TENM3: variants seen among roughly 807,000 people sequenced by gnomAD.
TENM3 encodes teneurin transmembrane protein 3, also known as teneurin-3.
TENM3 carries 63 observed loss-of-function variants against 255.1 expected under a neutral mutation model. That is an observed-to-expected ratio of 0.25 (90% confidence interval 0.20 to 0.30). TENM3 has a LOEUF of 0.30. Ranked by LOEUF, TENM3 falls within the 10% of genes least tolerant of loss-of-function variation. TENM3 has a pLI of 1.00. For synonymous variants in TENM3, 1,306 were observed against 1,322.3 expected (o/e 0.99, Z 0.27); for missense variants, 2,929 against 3,461.1 (o/e 0.85, Z 3.86).
chr4:182,506,411 C>T (rs576667736), intron 3 of TENM3, among the ~76,000 whole-genome samples: 58 of 152,190 alleles, frequency 3.8e-4, no homozygotes, highest in Non-Finnish European at 5.1e-4. Context: ...ATTTAAATAA[C>T]GATTAAATAA....
chr4:181,901,108 C>CA, the TENM3 span, among the ~76,000 whole-genome samples: 14 of 152,212 alleles, frequency 9.2e-5, no homozygotes, highest in Middle Eastern at 3.4e-3. Context: ...AGCTTCCTCC[C>CA]AAAAATCATA....
chr4:181,681,680 A>G, the TENM3 span, among the ~76,000 whole-genome samples: 1 of 152,200 alleles, frequency 6.6e-6, no homozygotes, highest in African/African-American at 2.4e-5. Flanking sequence ...TGATACATCA[A>G]GTAAATGCTT....
At chr4:182,747,800 T>C (rs1762112101) in intron 19 of TENM3, among the ~76,000 whole-genome samples, 1 of 152,228 alleles carries the variant, frequency 6.6e-6, no homozygotes, top group Non-Finnish European at 1.5e-5. Context: ...CCTTATTGAC[T>C]TAATATTTAA....
intron 3 of TENM3, among the ~76,000 whole-genome samples, chr4:182,400,901 A>G (rs747311864): frequency 6.6e-5 from 10 of 152,196 alleles, no homozygotes; most frequent in African/African-American, 9.7e-5. Context: ...ATGTTATACT[A>G]TGGGGGTAGA....
At chr4:181,500,034 C>T in the TENM3 span, among the ~76,000 whole-genome samples, 9 of 149,584 alleles carry the variant, frequency 6.0e-5, no homozygotes, top group Non-Finnish European at 1.0e-4. Flanking sequence ...AAACAAAATC[C>T]ACTTTTTTTT....
the TENM3 span, among the ~76,000 whole-genome samples, chr4:182,031,369 T>A: frequency 6.6e-6 from 1 of 152,198 alleles, no homozygotes; most frequent in Admixed American, 6.5e-5. Flanking sequence ...GTTGTAGACA[T>A]GTGGCCCTAT....
intron 3 of TENM3, among the ~76,000 whole-genome samples, chr4:182,365,058 G>T (rs954230118): frequency 1.1e-4 from 16 of 152,174 alleles, no homozygotes; most frequent in Admixed American, 3.9e-4. Flanking sequence ...TTCCCCCAGG[G>T]CACTGACAGG....
chr4:181,598,389 C>A, the TENM3 span, among the ~76,000 whole-genome samples: 1 of 152,278 alleles, frequency 6.6e-6, no homozygotes, highest in African/African-American at 2.4e-5. Context: ...GGTTGACCAC[C>A]TTCCTCAACA....
chr4:181,969,087 A>T, the TENM3 span, among the ~76,000 whole-genome samples: 1 of 151,874 alleles, frequency 6.6e-6, no homozygotes, highest in East Asian at 1.9e-4. Flanking sequence ...TTTCCTTTTT[A>T]AAAGTTAGCA....
chr4:182,320,852 C>T (rs983764965), intron 1 of TENM3, among the ~76,000 whole-genome samples: 2 of 152,124 alleles, frequency 1.3e-5, no homozygotes, highest in African/African-American at 2.4e-5. Flanking sequence ...CAGAGTTTGC[C>T]AGTCAATACC....
chr4:181,665,992 C>A, the TENM3 span, among the ~76,000 whole-genome samples: 3 of 152,044 alleles, frequency 2.0e-5, no homozygotes, highest in Admixed American at 1.3e-4. Context: ...TGTATTCAAG[C>A]GTTAACTTCT....
chr4:182,390,708 C>A (rs1026077436), intron 3 of TENM3, among the ~76,000 whole-genome samples: 4 of 152,220 alleles, frequency 2.6e-5, no homozygotes, highest in Admixed American at 2.6e-4. Context: ...CCGTCCCCAT[C>A]TCTCCACCCT....
At chr4:182,140,445 G>T (rs56069626), upstream of TENM3, among the ~76,000 whole-genome samples, 3,213 of 152,226 alleles carry the variant, frequency 0.021, 112 homozygotes, top group African/African-American at 0.073. Context: ...GTTCCTCATC[G>T]TTCCTAGGGT....
At chr4:182,763,283 G>C (rs960418118) in intron 22 of TENM3, among the ~76,000 whole-genome samples, 3 of 152,056 alleles carry the variant, frequency 2.0e-5, no homozygotes, top group African/African-American at 2.4e-5. Flanking sequence ...AAAGATGGGG[G>C]CGGGCGCGGT....
intron 5 of TENM3, among the ~76,000 whole-genome samples, chr4:182,630,513 C>T (rs1242212201): frequency 1.3e-5 from 2 of 151,992 alleles, no homozygotes; most frequent in Non-Finnish European, 2.9e-5. Context: ...CACACGGGCA[C>T]AGGGAAGGGA....
At chr4:182,688,507 T>C (rs889331923) in intron 12 of TENM3, among the ~76,000 whole-genome samples, 156 bp downstream of exon 12, 28 of 152,248 alleles carry the variant, frequency 1.8e-4, no homozygotes, top group African/African-American at 6.0e-4. Context: ...TGTCATTTTA[T>C]AATGGCAATT....
the TENM3 span, among the ~76,000 whole-genome samples, chr4:182,025,020 A>ATTTTTTTTTTTTTTTTTTTTTTT: frequency 4.1e-5 from 5 of 121,116 alleles, 1 homozygote; most frequent in African/African-American, 1.3e-4. Context: ...ACAGGATTTC[A>ATTTTTTTTTTTTTTTTTTTTTTT]TTTTTTTTTT....
chr4:182,458,074 G>A (rs1229628384), intron 3 of TENM3, among the ~76,000 whole-genome samples: 2 of 152,074 alleles, frequency 1.3e-5, no homozygotes, highest in African/African-American at 4.8e-5. Flanking sequence ...AATTTATCAA[G>A]TGCTTATTGA....
At chr4:182,612,143 A>T (rs574164339) in intron 4 of TENM3, among the ~76,000 whole-genome samples, 1 of 151,978 alleles carries the variant, frequency 6.6e-6, no homozygotes, top group East Asian at 1.9e-4. Context: ...GTGGTGGCGG[A>T]TGCCTGTAAT....
Sources: allele counts gnomAD v4.1 joint callset (sites outside exome capture counted in the v4.1 genomes callset), GRCh38; gene constraint gnomAD v4.1.1; transcripts MANE v1.5; gene names NCBI Gene and HGNC (gene_info 2026-07-23, HGNC 2026-07-21).